Variants in EPM2A observed in about 807,000 individuals in gnomAD.
EPM2A encodes the protein laforin.
EPM2A carries 21 observed loss-of-function variants against 26.5 expected under a neutral mutation model. That is an observed-to-expected ratio of 0.79 (90% CI 0.56 to 1.14). The LOEUF (loss-of-function observed/expected upper bound fraction) is 1.14, where lower values mean the gene tolerates loss of function less well. Among genes scored for constraint, EPM2A ranks in the 50% most tolerant of loss-of-function variants. EPM2A has a pLI of 0.00. For synonymous variants in EPM2A, 217 were observed against 177.6 expected, an observed-to-expected ratio of 1.22 and a Z score of -1.76; for missense variants, 458 against 440.8, an observed-to-expected ratio of 1.04 and a Z score of -0.35.
intron 4 of EPM2A, among the ~76,000 whole-genome samples, chr6:145,470,621 T>C (rs750462955): frequency 6.6e-6 from 1 of 152,176 alleles, no homozygotes. Context: ...TTTTCTTGCA[T>C]GTGTGTATGA....
intron 4 of EPM2A, among the ~76,000 whole-genome samples, chr6:145,406,214 T>A (rs1017102603): frequency 1.3e-5 from 2 of 152,172 alleles, no homozygotes; most frequent in African/African-American, 4.8e-5. Context: ...ATCTGATTAG[T>A]TTTGAAATGA....
intron 2 of EPM2A, among the ~76,000 whole-genome samples, chr6:145,542,835 C>T (rs929793295): frequency 3.9e-5 from 6 of 151,982 alleles, no homozygotes; most frequent in Non-Finnish European, 5.9e-5. Flanking sequence ...CTCGGCTCAC[C>T]GCAACCTCTG....
chr6:145,520,702 G>A (rs960075964), intron 2 of EPM2A, among the ~76,000 whole-genome samples: 2 of 152,110 alleles, frequency 1.3e-5, no homozygotes, highest in African/African-American at 4.8e-5. Flanking sequence ...TAGGCAATAA[G>A]CTATGAACAC....
At chr6:145,472,291 AGC>A (rs1779484141) in intron 4 of EPM2A, among the ~76,000 whole-genome samples, 1 of 151,778 alleles carries the variant, frequency 6.6e-6, no homozygotes, top group African/African-American at 2.4e-5. Flanking sequence ...GGCCCTGGTG[AGC>A]CCCTGAGACT....
chr6:145,662,339 T>C (rs1393843451), intron 2 of EPM2A, among the ~76,000 whole-genome samples: 2 of 152,240 alleles, frequency 1.3e-5, no homozygotes, highest in Non-Finnish European at 2.9e-5. Flanking sequence ...AATTAATTTA[T>C]CATTTTTGAT....
chr6:145,491,951 G>A, intron 4 of EPM2A: 1 of 462,256 alleles, frequency 2.2e-6, no homozygotes, highest in East Asian at 5.6e-5. Flanking sequence ...AGAGCCTTGT[G>A]AGCCTTAAAA....
At chr6:145,498,847 C>G (rs1371528304), downstream of EPM2A, among the ~76,000 whole-genome samples, 1 of 152,198 alleles carries the variant, frequency 6.6e-6, no homozygotes, top group African/African-American at 2.4e-5. Flanking sequence ...TCTTTATCCA[C>G]TCATTCACTA....
intron 1 of EPM2A, among the ~76,000 whole-genome samples, chr6:145,690,692 T>C (rs963678952): frequency 6.6e-6 from 1 of 151,090 alleles, no homozygotes; most frequent in Non-Finnish European, 1.5e-5. Flanking sequence ...GATGTTAGAA[T>C]TATGTGATAA....
At chr6:145,648,485 A>C (rs1303028449) in intron 2 of EPM2A, among the ~76,000 whole-genome samples, 2 of 152,238 alleles carry the variant, frequency 1.3e-5, no homozygotes, top group Non-Finnish European at 2.9e-5. Context: ...CCATAACCAT[A>C]AGTTCCATTT....
intron 2 of EPM2A, among the ~76,000 whole-genome samples, chr6:145,587,118 A>G (rs1205420215): frequency 6.6e-6 from 1 of 152,130 alleles, no homozygotes; most frequent in African/African-American, 2.4e-5. Context: ...CACTCATTAT[A>G]TGTCACCTAG....
intron 4 of EPM2A, chr6:145,384,120 G>A (rs2114651219): frequency 6.6e-6 from 1 of 151,936 alleles, no homozygotes; most frequent in South Asian, 2.1e-4. Context: ...AGTGAGAGGG[G>A]AGAGTCTTGA....
intron 4 of EPM2A, among the ~76,000 whole-genome samples, chr6:145,428,887 A>T (rs1778886444): frequency 6.6e-6 from 1 of 152,162 alleles, no homozygotes; most frequent in Non-Finnish European, 1.5e-5. Context: ...CCAGAGAGCT[A>T]CCCAGCTGCT....
At chr6:145,418,019 G>C (rs1778732625) in intron 4 of EPM2A, among the ~76,000 whole-genome samples, 1 of 152,078 alleles carries the variant, frequency 6.6e-6, no homozygotes, top group South Asian at 2.1e-4. Context: ...GCTCCCACTT[G>C]ATCCTTCACC....
At chr6:145,711,486 C>T (rs373523776) in intron 1 of EPM2A, among the ~76,000 whole-genome samples, 1 of 152,036 alleles carries the variant, frequency 6.6e-6, no homozygotes, top group Non-Finnish European at 1.5e-5. Context: ...ATGTAAAAGT[C>T]TTGTAGACAA....
At position 145,490,532 on chromosome 6, in the gene EPM2A, A is replaced by T. The variant is rs533348547; in HGVS notation, c.555+11990T>A. On this transcript the variant is annotated intron_variant, in intron 4 of 4. Coordinates refer to the EPM2A transcript ENST00000638717. The stretch of plus-strand genomic sequence containing the variant: ...TGCTTCTCACAGTACTGACATACAT[A>T]AACTTTCTTCCCAGTTCTTTGCTTC... The T allele has an allele frequency of 4.2e-6, 3 of 716,404 alleles. No individual in the cohort carries two copies. The African/African-American group carries it at 5.2e-5, about 12-fold the overall frequency. 44.4% of individuals were successfully genotyped at this position (716,404 alleles called of 1,614,324 possible).
intron 2 of EPM2A, among the ~76,000 whole-genome samples, chr6:145,593,552 T>A (rs1312853727): frequency 6.6e-6 from 1 of 152,060 alleles, no homozygotes; most frequent in South Asian, 2.1e-4. Flanking sequence ...CCTTAACAAA[T>A]TTTTTGAACA....
chr6:145,715,496 G>A (rs1201293191), intron 1 of EPM2A, among the ~76,000 whole-genome samples: 1 of 152,166 alleles, frequency 6.6e-6, no homozygotes, highest in African/African-American at 2.4e-5. Flanking sequence ...AATGAAAGAT[G>A]TTATTTGAGG....
At chr6:145,485,349 A>G (rs1216035367) in intron 4 of EPM2A, among the ~76,000 whole-genome samples, 1 of 152,154 alleles carries the variant, frequency 6.6e-6, no homozygotes, top group Admixed American at 6.6e-5. Flanking sequence ...ACTATAAACC[A>G]GATTCGGGCT....
At chr6:145,395,405 G>A (rs1008382275) in intron 4 of EPM2A, among the ~76,000 whole-genome samples, 3 of 151,974 alleles carry the variant, frequency 2.0e-5, no homozygotes, top group Non-Finnish European at 4.4e-5. Flanking sequence ...CAGCCCTATG[G>A]GGGTAACAAT....
Sources: allele counts gnomAD v4.1 joint callset (sites outside exome capture counted in the v4.1 genomes callset), GRCh38; gene constraint gnomAD v4.1.1; transcripts MANE v1.5; gene names NCBI Gene and HGNC (gene_info 2026-07-23, HGNC 2026-07-21).